The following COL25A1 variants were observed in gnomAD, a reference collection of about 807,000 sequenced individuals.
COL25A1 encodes collagen alpha-1(XXV) chain.
Under a neutral mutation model 128.4 loss-of-function variants are expected in COL25A1, and 103 were observed. That is an observed-to-expected ratio of 0.80 (90% CI 0.68 to 0.94). The LOEUF (loss-of-function observed/expected upper bound fraction) is 0.94, where lower values mean the gene tolerates loss of function less well. Among genes scored for constraint, COL25A1 ranks in the 40% least tolerant of loss-of-function variants. The probability of loss-of-function intolerance (pLI) is 0.00; values close to 1 mark genes in which losing one functional copy is unlikely to be tolerated. For synonymous variants in COL25A1, 279 were observed against 277.2 expected, an observed-to-expected ratio of 1.01 and a Z score of -0.06; for missense variants, 745 against 840.0, an observed-to-expected ratio of 0.89 and a Z score of 1.40.
At chr4:108,874,802 T>C (rs1380493151) in intron 19 of COL25A1, among the ~76,000 whole-genome samples, 1 of 151,326 alleles carries the variant, frequency 6.6e-6, no homozygotes, top group East Asian at 1.9e-4. Context: ...GCTTGTTGCA[T>C]ATATCAGGAC....
At chr4:108,968,090 C>G (rs1408637339) in intron 8 of COL25A1, among the ~76,000 whole-genome samples, 1 of 152,086 alleles carries the variant, frequency 6.6e-6, no homozygotes, top group Non-Finnish European at 1.5e-5. Context: ...GGAATCAAGG[C>G]GGGAAGTACA....
chr4:108,859,641 G>A lies in COL25A1; in HGVS notation c.1320+15C>T, dbSNP rs781577600. 4 of 1,611,302 alleles carry A rather than the reference G, an allele frequency of 2.5e-6. No individual in the cohort carries two copies. Among genetic ancestry groups the A allele is most frequent in the Non-Finnish European group, 3.4e-6 (4 of 1,178,320 alleles). ...TCCTTCTCAGTGTGTGTCAGGGCAG[G>A]GACCAGTCACTTGCCTGTAAGGCTT... On this transcript the variant is annotated intron_variant, in intron 24 of 37. Coordinates refer to ENST00000399132, the MANE Select transcript of COL25A1 (RefSeq NM_198721.4).
chr4:109,209,977 G>A (rs1400325979), intron 3 of COL25A1, among the ~76,000 whole-genome samples: 1 of 151,930 alleles, frequency 6.6e-6, no homozygotes. Flanking sequence ...CTTGAACCTG[G>A]GAGGCAGAGG....
At chr4:109,041,622 C>CTATGAGGATGCAAAGGCATAAGAATGA (rs1759906604) in intron 5 of COL25A1, among the ~76,000 whole-genome samples, 1 of 152,034 alleles carries the variant, frequency 6.6e-6, no homozygotes, top group African/African-American at 2.4e-5. Context: ...CCTTCTGAGC[C>CTATGAGGATGCAAAGGCATAAGAATGA]CACAGCTACA....
intron 18 of COL25A1, 86 bp from the exon 19 acceptor site, chr4:108,884,308 C>T: frequency 2.4e-6 from 3 of 1,226,586 alleles, no homozygotes; most frequent in Admixed American, 1.9e-5. Context: ...GTTCCTGGCT[C>T]AATACTTTCT....
intron 19 of COL25A1, among the ~76,000 whole-genome samples, chr4:108,882,582 T>TTG (rs377671759): frequency 2.2e-4 from 34 of 151,456 alleles, no homozygotes; most frequent in South Asian, 1.0e-3. Flanking sequence ...AAAGCCATCT[T>TTG]TGTGTGTGTG....
intron 19 of COL25A1, among the ~76,000 whole-genome samples, chr4:108,873,636 A>C (rs1739076090): frequency 6.6e-6 from 1 of 151,980 alleles, no homozygotes; most frequent in Admixed American, 6.6e-5. Flanking sequence ...TAATATACAA[A>C]GTGTCTTCTT....
intron 6 of COL25A1, among the ~76,000 whole-genome samples, chr4:108,997,237 AAAG>A (rs1189881456): frequency 8.5e-5 from 13 of 152,198 alleles, no homozygotes; most frequent in African/African-American, 3.1e-4. Context: ...CAAGACTAAT[AAAG>A]AAGAAAAGAG....
intron 3 of COL25A1, among the ~76,000 whole-genome samples, chr4:109,221,247 T>C (rs1778390936): frequency 6.6e-6 from 1 of 152,178 alleles, no homozygotes; most frequent in South Asian, 2.1e-4. Context: ...TATTACTCTT[T>C]GTATAAACAA....
Position 108,824,219 on chromosome 4 carries a change from A to C in COL25A1, c.1800T>G (p.Pro600=), listed in dbSNP as rs749912070. 1 of 1,611,698 alleles carries C rather than the reference A, an allele frequency of 6.2e-7. No homozygotes were observed. Among genetic ancestry groups the C allele is most frequent in the Non-Finnish European group, 8.5e-7 (1 of 1,178,978 alleles). Residue 600 remains proline, a synonymous_variant, in exon 35 of 38, where the codon CCT becomes CCG. Coordinates refer to ENST00000399132, the MANE Select transcript of COL25A1 (RefSeq NM_198721.4). ...GATCACCCTTCTCACCCCGTGGACCAGGGAAGCCCTGTAAGATAAAAAGCA... is the reference window on the plus strand; with the variant it reads ...GATCACCCTTCTCACCCCGTGGACCCGGGAAGCCCTGTAAGATAAAAAGCA... ...KDGEPGLDGF[P]GPRGEKGDLG...
chr4:108,974,227 C>T (rs1459862197), intron 8 of COL25A1, 140 bp downstream of exon 8: 2 of 781,156 alleles, frequency 2.6e-6, no homozygotes, highest in Non-Finnish European at 4.3e-6. Context: ...GTTTTTTTCA[C>T]TTACAAGTGG....
chr4:109,098,869 T>G (rs1765641424), intron 3 of COL25A1, among the ~76,000 whole-genome samples: 1 of 152,216 alleles, frequency 6.6e-6, no homozygotes, highest in Non-Finnish European at 1.5e-5. Flanking sequence ...AGCAGTTACA[T>G]TAGGTTGTAA....
intron 3 of COL25A1, among the ~76,000 whole-genome samples, chr4:109,221,813 T>C (rs1490071599): frequency 6.6e-6 from 1 of 152,128 alleles, no homozygotes; most frequent in African/African-American, 2.4e-5. Context: ...ATGTTGATTT[T>C]CTTCAGTGTT....
intron 3 of COL25A1, among the ~76,000 whole-genome samples, chr4:109,050,526 A>G (rs1760888562): frequency 6.6e-6 from 1 of 152,094 alleles, no homozygotes; most frequent in African/African-American, 2.4e-5. Context: ...TCTTTTCAGT[A>G]TATGAATAAT....
intron 20 of COL25A1, among the ~76,000 whole-genome samples, chr4:108,863,668 G>C (rs1357411362): frequency 6.6e-6 from 1 of 152,200 alleles, no homozygotes; most frequent in East Asian, 1.9e-4. Flanking sequence ...TAATGGAGGA[G>C]ATTGGCAGGT....
intron 8 of COL25A1, among the ~76,000 whole-genome samples, chr4:108,972,903 T>G (rs1391810800): frequency 6.6e-6 from 1 of 152,138 alleles, no homozygotes; most frequent in Non-Finnish European, 1.5e-5. Context: ...TCCTGAAAAT[T>G]TGGCCTAGCT....
chr4:109,169,287 C>A (rs1239565353), intron 3 of COL25A1, among the ~76,000 whole-genome samples: 1 of 152,176 alleles, frequency 6.6e-6, no homozygotes, highest in Non-Finnish European at 1.5e-5. Context: ...CTCTGCCTGG[C>A]AAACTTCCTA....
chr4:109,137,669 C>A (rs1250042040), intron 3 of COL25A1, among the ~76,000 whole-genome samples: 3 of 152,178 alleles, frequency 2.0e-5, no homozygotes, highest in Non-Finnish European at 4.4e-5. Flanking sequence ...AGCTGCTATA[C>A]AAATCACATA....
At chr4:108,819,496 C>T (rs1490695417) in intron 35 of COL25A1, among the ~76,000 whole-genome samples, 167 bp from the exon 36 acceptor site, 2 of 152,158 alleles carry the variant, frequency 1.3e-5, no homozygotes, top group Non-Finnish European at 2.9e-5. Flanking sequence ...AGACATATTC[C>T]TACAACAGGG....
Sources: allele counts gnomAD v4.1 joint callset (sites outside exome capture counted in the v4.1 genomes callset), GRCh38; gene constraint gnomAD v4.1.1; transcripts MANE v1.5; gene names NCBI Gene and HGNC (gene_info 2026-07-23, HGNC 2026-07-21).